The following LSAMP variants were observed in gnomAD, a reference collection of about 807,000 sequenced individuals.
The protein encoded by LSAMP is limbic system associated membrane protein.
A neutral mutation model predicts 38.6 loss-of-function variants in LSAMP; 7 were observed. The observed-to-expected ratio is 0.18, with a 90% CI of 0.10 to 0.34. The LOEUF is 0.34. Ranked by LOEUF, LSAMP falls within the 10% of genes least tolerant of loss-of-function variation. LSAMP has a pLI of 1.00. For missense variants in LSAMP, 313 were observed against 420.0 expected (o/e 0.75, Z 2.23); for synonymous variants, 154 against 166.8 (o/e 0.92, Z 0.59).
intron 1 of LSAMP, among the ~76,000 whole-genome samples, chr3:116,210,283 A>G (rs2046138196): frequency 6.6e-6 from 1 of 152,124 alleles, no homozygotes; most frequent in African/African-American, 2.4e-5. Context: ...GGAGTTTAAC[A>G]TTTGAATTAG....
Position 115,805,283 on chromosome 3 carries a change from G to A in LSAMP, c.*5034C>T, listed in dbSNP as rs62271063. Reference sequence around the variant, plus strand: ...AGGATATAAACCTTGAACTGTTCCTGTGGGTCTGCTTCCTTTGGCTAAGGC... The same window carrying A: ...AGGATATAAACCTTGAACTGTTCCTATGGGTCTGCTTCCTTTGGCTAAGGC... On this transcript the variant is annotated 3_prime_UTR_variant, in exon 7 of 7. Coordinates refer to ENST00000490035, the MANE Select transcript of LSAMP (RefSeq NM_002338.5). 2 of 152,194 alleles carry A rather than the reference G, an allele frequency of 1.3e-5. No individual in the cohort carries two copies. Among genetic ancestry groups the A allele is most frequent in the African/African-American group, 4.8e-5 (2 of 41,452 alleles). 9.4% of individuals were successfully genotyped at this position (152,194 alleles called of 1,614,324 possible). A position where few individuals can be genotyped will look rare whatever the true frequency, so the allele number is the denominator to read the frequency against.
At chr3:116,351,573 G>A (rs1295612981) in intron 1 of LSAMP, among the ~76,000 whole-genome samples, 2 of 151,892 alleles carry the variant, frequency 1.3e-5, no homozygotes, top group Admixed American at 1.3e-4. Flanking sequence ...TACAGTAAGA[G>A]CTCATCAGCC....
At position 116,132,614 on chromosome 3, in the gene LSAMP, C is replaced by T. The variant is rs562664141; in HGVS notation, c.156-46058G>A. Among the ~76,000 whole-genome samples the T allele has an allele frequency of 5.9e-5, 9 of 152,266 alleles. No individual in the cohort carries two copies. The East Asian group carries it at 1.7e-3, about 29-fold the overall frequency. Reference sequence around the variant, plus strand: ...TTTTAAGGTGGCGAGTAGTCTCAGCCAATCTTTTCTCTCGTTTTTTTCTTA... The same window carrying T: ...TTTTAAGGTGGCGAGTAGTCTCAGCTAATCTTTTCTCTCGTTTTTTTCTTA... On this transcript the variant is annotated intron_variant, in intron 1 of 6. Coordinates refer to ENST00000490035, the MANE Select transcript of LSAMP (RefSeq NM_002338.5).
At chr3:116,347,379 A>G (rs1284970638) in intron 1 of LSAMP, among the ~76,000 whole-genome samples, 1 of 152,170 alleles carries the variant, frequency 6.6e-6, no homozygotes, top group Non-Finnish European at 1.5e-5. Context: ...CTCTCACCAG[A>G]CTTACAGGCA....
intron 3 of LSAMP, among the ~76,000 whole-genome samples, chr3:115,874,386 CTT>C (rs1936128797): frequency 1.3e-5 from 2 of 152,104 alleles, no homozygotes; most frequent in South Asian, 2.1e-4. Flanking sequence ...AGGTTTTTGT[CTT>C]GTTTTGTTTT....
At chr3:116,417,175 A>G (rs966493707) in intron 1 of LSAMP, among the ~76,000 whole-genome samples, 1 of 152,258 alleles carries the variant, frequency 6.6e-6, no homozygotes, top group Non-Finnish European at 1.5e-5. Flanking sequence ...CCAAAAATTC[A>G]GAGAAAAGAC....
intron 1 of LSAMP, among the ~76,000 whole-genome samples, chr3:116,123,508 T>C (rs1329320069): frequency 6.6e-6 from 1 of 152,206 alleles, no homozygotes; most frequent in Non-Finnish European, 1.5e-5. Flanking sequence ...GAAGTTTGGG[T>C]TGAAAAACAA....
At chr3:116,055,994 C>T (rs575447218) in intron 2 of LSAMP, among the ~76,000 whole-genome samples, 108 of 152,040 alleles carry the variant, frequency 7.1e-4, no homozygotes, top group African/African-American at 2.5e-3. Context: ...CTGATTCACA[C>T]GACTATTGAG....
intron 3 of LSAMP, among the ~76,000 whole-genome samples, chr3:115,963,579 C>G (rs1458317829): frequency 6.6e-6 from 1 of 152,082 alleles, no homozygotes; most frequent in African/African-American, 2.4e-5. Flanking sequence ...AGATGTGACT[C>G]CAGTATGTGA....
chr3:116,045,648 G>A (rs1941275052), intron 2 of LSAMP, among the ~76,000 whole-genome samples: 1 of 151,402 alleles, frequency 6.6e-6, no homozygotes, highest in African/African-American at 2.4e-5. Flanking sequence ...TATAAAAAGT[G>A]AGAATTCTTC....
At chr3:116,277,675 C>G (rs1380154847) in intron 1 of LSAMP, among the ~76,000 whole-genome samples, 2 of 152,084 alleles carry the variant, frequency 1.3e-5, no homozygotes, top group African/African-American at 4.8e-5. Context: ...CCGGCCTGCT[C>G]TTCTTATTTT....
chr3:115,922,978 A>C (rs1937417558), intron 3 of LSAMP, among the ~76,000 whole-genome samples: 1 of 152,166 alleles, frequency 6.6e-6, no homozygotes, highest in East Asian at 1.9e-4. Context: ...CAGCACTGTG[A>C]GTGAGGCATT....
At chr3:116,352,850 A>G (rs76918442) in intron 1 of LSAMP, among the ~76,000 whole-genome samples, 1,980 of 152,130 alleles carry the variant, frequency 0.013, 37 homozygotes, top group African/African-American at 0.045. Context: ...ATTTGCCTCA[A>G]TGTGAAAAGG....
intron 1 of LSAMP, among the ~76,000 whole-genome samples, chr3:116,112,729 C>T (rs879286395): frequency 2.0e-5 from 3 of 152,078 alleles, no homozygotes; most frequent in Non-Finnish European, 2.9e-5. Flanking sequence ...AAGTGGGGAA[C>T]GAGTTTGGTA....
chr3:116,262,144 AC>A (rs1400607425), intron 1 of LSAMP, among the ~76,000 whole-genome samples: 1 of 152,048 alleles, frequency 6.6e-6, no homozygotes, highest in Non-Finnish European at 1.5e-5. Context: ...CTATTTTAGG[AC>A]CTTTTTACCT....
chr3:116,417,785 G>A (rs1171506565), intron 1 of LSAMP, among the ~76,000 whole-genome samples: 2 of 152,012 alleles, frequency 1.3e-5, no homozygotes, highest in Non-Finnish European at 2.9e-5. Context: ...ATGACAAGAG[G>A]ACAGTATAAC....
chr3:116,328,553 A>G (rs545542059), intron 1 of LSAMP, among the ~76,000 whole-genome samples: 1 of 152,296 alleles, frequency 6.6e-6, no homozygotes, highest in South Asian at 2.1e-4. Context: ...ATTGTCATAT[A>G]AAATGAGAAC....
chr3:116,200,279 A>G (rs1005314669), intron 1 of LSAMP, among the ~76,000 whole-genome samples: 7 of 152,142 alleles, frequency 4.6e-5, no homozygotes, highest in Non-Finnish European at 8.8e-5. Flanking sequence ...CAGGGAGAGG[A>G]GGAATAATAA....
chr3:115,859,658 A>C (rs1294380831), intron 3 of LSAMP, among the ~76,000 whole-genome samples: 4 of 152,248 alleles, frequency 2.6e-5, no homozygotes, highest in Admixed American at 2.0e-4. Context: ...GAAGATTCAC[A>C]ACTGGCTTTG....
Sources: gnomAD v4.1 joint callset for allele counts (sites outside exome capture counted in the v4.1 genomes callset) on GRCh38, gnomAD v4.1.1 for gene constraint, MANE v1.5 for transcripts, NCBI Gene and HGNC (gene_info 2026-07-23, HGNC 2026-07-21) for gene names.